KHDRBS2: variants seen among roughly 807,000 people sequenced by gnomAD.
KHDRBS2 encodes KH domain-containing, RNA-binding, signal transduction-associated protein 2.
In KHDRBS2, 26 loss-of-function variants were observed where a neutral mutation model predicts 44.3. That is an observed-to-expected ratio of 0.59 (90% CI 0.43 to 0.81). The LOEUF is 0.81. Ranked by LOEUF, KHDRBS2 falls within the 40% of genes least tolerant of loss-of-function variation. KHDRBS2 has a pLI of 0.00. For missense variants in KHDRBS2, 476 were observed against 433.1 expected (o/e 1.10, Z -0.88); for synonymous variants, 194 against 151.1 (o/e 1.28, Z -2.08).
chr6:62,169,062 T>C (rs1819310338), intron 2 of KHDRBS2, among the ~76,000 whole-genome samples: 1 of 140,710 alleles, frequency 7.1e-6, no homozygotes, highest in Admixed American at 7.1e-5. Context: ...TATATATATA[T>C]GTATACATGA....
At chr6:61,832,960 A>G (rs1792078210) in intron 6 of KHDRBS2, among the ~76,000 whole-genome samples, 1 of 152,212 alleles carries the variant, frequency 6.6e-6, no homozygotes, top group Non-Finnish European at 1.5e-5. Flanking sequence ...TTTGATTAAA[A>G]TTAATTTTTT....
Position 61,742,010 on chromosome 6 carries a change from T to C in KHDRBS2, c.811-9246A>G, listed in dbSNP as rs745399469. Among the ~76,000 whole-genome samples, 9 of 152,076 alleles carry C rather than the reference T, an allele frequency of 5.9e-5. No individual in the cohort carries two copies. In the East Asian group the frequency reaches 1.5e-3, roughly 26 times the overall value. On this transcript the variant is annotated intron_variant, in intron 6 of 8. Transcript: ENST00000281156. ...AGGGAAATAATGTGGAATATTCTTA[T>C]GCAGTTGAGAGAAAAATAAAGTGAA...
intron 6 of KHDRBS2, among the ~76,000 whole-genome samples, chr6:61,819,979 TTTTATCCTTTATTTTCA>T: frequency 6.6e-6 from 1 of 152,006 alleles, no homozygotes; most frequent in South Asian, 2.1e-4. Context: ...GTGTGTAGCA[TTTTATCCTTTATTTTCA>T]GGTAAGGCAC....
chr6:62,271,154 T>G (rs1840026677), intron 1 of KHDRBS2, among the ~76,000 whole-genome samples: 1 of 152,162 alleles, frequency 6.6e-6, no homozygotes, highest in Non-Finnish European at 1.5e-5. Context: ...CAGGTATGCG[T>G]ATGTATGAAT....
At chr6:62,106,418 C>T (rs1370430018) in intron 2 of KHDRBS2, among the ~76,000 whole-genome samples, 1 of 152,010 alleles carries the variant, frequency 6.6e-6, no homozygotes, top group Non-Finnish European at 1.5e-5. Context: ...GAGTCTAAGT[C>T]TCTTTGTAGG....
chr6:62,069,179 TACTGTTG>T (rs1794427487), intron 2 of KHDRBS2, among the ~76,000 whole-genome samples: 1 of 151,682 alleles, frequency 6.6e-6, no homozygotes. Flanking sequence ...CCACTAAGCC[TACTGTTG>T]ACTGGAAGCC....
Position 61,970,347 on chromosome 6 carries a change from T to TA in KHDRBS2, c.483+7718dup, listed in dbSNP as rs561484423. On this transcript the variant is annotated intron_variant, in intron 4 of 8. Transcript: ENST00000281156. ...ATTTTCAGACTCTTTCAAATGCATT[T>TA]AAAAAAAAAATCCCATCATTTTATT... Among the ~76,000 whole-genome samples the TA allele has an allele frequency of 7.9e-3, 1,192 of 150,270 alleles. 8 individuals carry two copies. The highest frequency in any genetic ancestry group is 0.012 in the Non-Finnish European group (809 of 67,380).
chr6:61,757,620 T>C (rs549017799), intron 6 of KHDRBS2, among the ~76,000 whole-genome samples: 1 of 152,308 alleles, frequency 6.6e-6, no homozygotes, highest in South Asian at 2.1e-4. Context: ...TCGCTATTTG[T>C]TCCCAATTTG....
At chr6:61,543,236 T>TCTCA in the KHDRBS2 span, among the ~76,000 whole-genome samples, 1 of 151,848 alleles carries the variant, frequency 6.6e-6, no homozygotes, top group Non-Finnish European at 1.5e-5. Context: ...TAATAAAGTA[T>TCTCA]ATAATGATCT....
At chr6:61,653,786 G>A in the KHDRBS2 span, among the ~76,000 whole-genome samples, 1 of 151,968 alleles carries the variant, frequency 6.6e-6, no homozygotes, top group East Asian at 1.9e-4. Flanking sequence ...GCAAAAGAAA[G>A]TAAAATAAAA....
chr6:61,862,888 AG>A (rs1797203402), intron 6 of KHDRBS2, among the ~76,000 whole-genome samples: 1 of 152,060 alleles, frequency 6.6e-6, no homozygotes, highest in African/African-American at 2.4e-5. Context: ...TAGTTTTAGT[AG>A]GACTGGTACC....
chr6:61,710,976 T>C lies in KHDRBS2; in HGVS notation c.894-13723A>G, dbSNP rs548792412. Among the ~76,000 whole-genome samples the C allele has an allele frequency of 2.0e-5, 3 of 149,404 alleles. No homozygotes were observed. In the South Asian group the frequency reaches 6.5e-4, roughly 32 times the overall value. ...AAATCTGGAGTTTCATTTACAGTGT[T>C]CCTAATGCAGAAGCCCGAGATCATA... On this transcript the variant is annotated intron_variant, in intron 7 of 8. Transcript: ENST00000281156.
At chr6:61,918,705 C>T (rs1350236544) in intron 4 of KHDRBS2, among the ~76,000 whole-genome samples, 2 of 151,922 alleles carry the variant, frequency 1.3e-5, no homozygotes, top group Admixed American at 1.3e-4. Context: ...TATTCTGAAT[C>T]AATGTGCTCT....
chr6:61,989,125 T>TC (rs1465140960), intron 3 of KHDRBS2, among the ~76,000 whole-genome samples: 1 of 152,216 alleles, frequency 6.6e-6, no homozygotes, highest in Non-Finnish European at 1.5e-5. Flanking sequence ...GCATTTATGT[T>TC]AGAAAACTTG....
intron 6 of KHDRBS2, among the ~76,000 whole-genome samples, chr6:61,840,455 C>T (rs1053024166): frequency 6.6e-6 from 1 of 152,012 alleles, no homozygotes; most frequent in Non-Finnish European, 1.5e-5. Flanking sequence ...ACAAGTGCTT[C>T]CTAAAAACAA....
intron 1 of KHDRBS2, among the ~76,000 whole-genome samples, chr6:62,213,363 T>A (rs1435001412): frequency 6.6e-6 from 1 of 151,794 alleles, no homozygotes; most frequent in Non-Finnish European, 1.5e-5. Context: ...AAAAAAATTC[T>A]GAGAATAGGG....
At chr6:61,646,131 C>T in the KHDRBS2 span, among the ~76,000 whole-genome samples, 6 of 152,262 alleles carry the variant, frequency 3.9e-5, 1 homozygote, top group South Asian at 8.3e-4. Context: ...CTTAGAACTG[C>T]GTTCAATCAC....
rs1187844674 is a variant in KHDRBS2 at position 61,872,579 on chromosome 6, T to G, written c.810+22056A>C. The stretch of plus-strand genomic sequence containing the variant: ...AAGATGTGAAAGGTATGTAGAAATA[T>G]ATTAAACTTTATTGACAGTAATTAA... On this transcript the variant is annotated intron_variant, in intron 6 of 8. Transcript: ENST00000281156. Among the ~76,000 whole-genome samples, 18 of 152,118 alleles carry G rather than the reference T, an allele frequency of 1.2e-4. 1 individual carries two copies. Among genetic ancestry groups the G allele is most frequent in the Admixed American group, 1.2e-3 (18 of 15,272 alleles).
rs993633410 is a variant in KHDRBS2 at position 61,982,329 on chromosome 6, A to T, written c.337-4117T>A. ...CCCTCTGAGACCCACGGAAATGACT[A>T]TAACAGGTACTCTGGGATGCAACCT... On this transcript the variant is annotated intron_variant, in intron 3 of 8. Coordinates refer to ENST00000281156, the MANE Select transcript of KHDRBS2 (RefSeq NM_152688.4). Among the ~76,000 whole-genome samples the T allele has an allele frequency of 2.0e-5, 3 of 152,140 alleles. No individual in the cohort carries two copies. In the East Asian group the frequency reaches 5.8e-4, roughly 29 times the overall value.
Sources: gnomAD v4.1 joint callset for allele counts (sites outside exome capture counted in the v4.1 genomes callset) on GRCh38, gnomAD v4.1.1 for gene constraint, MANE v1.5 for transcripts, NCBI Gene and HGNC (gene_info 2026-07-23, HGNC 2026-07-21) for gene names.